The following CNOT6L variants were observed in gnomAD, a reference collection of about 807,000 sequenced individuals.
CNOT6L encodes the protein CCR4-NOT transcription complex subunit 6-like.
A neutral mutation model predicts 64.0 loss-of-function variants in CNOT6L; 7 were observed. The ratio of observed to expected loss-of-function variants is 0.11; its 90% CI spans 0.06 to 0.21. The LOEUF (loss-of-function observed/expected upper bound fraction) is 0.21, where lower values mean the gene tolerates loss of function less well. CNOT6L is among the 10% of genes least tolerant of loss of function. CNOT6L has a pLI of 1.00. For synonymous variants in CNOT6L, 193 were observed against 243.4 expected, an observed-to-expected ratio of 0.79 and a Z score of 1.93; for missense variants, 245 against 669.0, an observed-to-expected ratio of 0.37 and a Z score of 6.99.
At chr4:77,779,255 A>T (rs777028331) in intron 1 of CNOT6L, among the ~76,000 whole-genome samples, 9 of 151,936 alleles carry the variant, frequency 5.9e-5, no homozygotes, top group Non-Finnish European at 1.2e-4. Context: ...ATGATCAATG[A>T]TCATATGCTT....
chr4:77,785,330 A>AG (rs1729311047), intron 1 of CNOT6L, among the ~76,000 whole-genome samples: 1 of 152,250 alleles, frequency 6.6e-6, no homozygotes, highest in African/African-American at 2.4e-5. Flanking sequence ...TCAGAAGAAA[A>AG]CATCAGAGAA....
In CNOT6L at chr4:77,718,232, G is replaced by C. The variant is rs1720948083; in HGVS notation, c.*2199C>G. 1 of 152,448 alleles carries C rather than the reference G, an allele frequency of 6.6e-6. No homozygotes were observed. The highest frequency in any genetic ancestry group is 1.9e-4 in the East Asian group (1 of 5,176). The allele number at this position is 152,448 out of a possible 1,614,324, so 9.4% of individuals were successfully genotyped here. Reference sequence around the variant, plus strand: ...TAATTAACATGCGTATATGAAAGGAGGAAAATGTTTTGTTAGTGCATATAC... The same window carrying C: ...TAATTAACATGCGTATATGAAAGGACGAAAATGTTTTGTTAGTGCATATAC... On this transcript the variant is annotated 3_prime_UTR_variant, in exon 12 of 12. Coordinates refer to ENST00000504123, the MANE Select transcript of CNOT6L (RefSeq NM_144571.3).
chr4:77,738,581 C>G (rs1347365191), intron 8 of CNOT6L, among the ~76,000 whole-genome samples: 1 of 151,880 alleles, frequency 6.6e-6, no homozygotes, highest in African/African-American at 2.4e-5. Flanking sequence ...TGGAGAAACC[C>G]TGTCTCTACT....
intron 1 of CNOT6L, among the ~76,000 whole-genome samples, chr4:77,788,369 AAC>A (rs1729695273): frequency 6.6e-6 from 1 of 152,242 alleles, no homozygotes; most frequent in Admixed American, 6.5e-5. Context: ...TGATAAGGTT[AAC>A]AGTTTTAAAC....
intron 1 of CNOT6L, chr4:77,818,943 C>T (rs1733920135): frequency 1.6e-6 from 1 of 638,488 alleles, no homozygotes; most frequent in South Asian, 1.5e-5. Context: ...ACTCAGCCCT[C>T]CCCGGCCGGC....
At chr4:77,723,539 C>A (rs749066576) in intron 11 of CNOT6L, among the ~76,000 whole-genome samples, 7 of 152,152 alleles carry the variant, frequency 4.6e-5, no homozygotes, top group Admixed American at 3.3e-4. Context: ...CTGAAAAGTT[C>A]ATTTTCTGTT....
chr4:77,752,680 T>C (rs1276846948), intron 5 of CNOT6L, among the ~76,000 whole-genome samples: 1 of 151,636 alleles, frequency 6.6e-6, no homozygotes, highest in African/African-American at 2.4e-5. Context: ...ATAATGAAAA[T>C]AATACAAACT....
At chr4:77,739,370 A>T (rs1015587528) in intron 8 of CNOT6L, among the ~76,000 whole-genome samples, 4 of 152,226 alleles carry the variant, frequency 2.6e-5, no homozygotes, top group African/African-American at 4.8e-5. Context: ...TACAAAAATG[A>T]TCTTACAAGA....
intron 11 of CNOT6L, among the ~76,000 whole-genome samples, chr4:77,723,412 T>A (rs780263406): frequency 3.9e-5 from 6 of 152,188 alleles, no homozygotes; most frequent in African/African-American, 9.7e-5. Flanking sequence ...ACTAATACAA[T>A]TGGATCTGCA....
At chr4:77,738,437 G>T (rs1481875881) in intron 8 of CNOT6L, among the ~76,000 whole-genome samples, 1 of 152,026 alleles carries the variant, frequency 6.6e-6, no homozygotes, top group Non-Finnish European at 1.5e-5. Context: ...ATGGCAAAAA[G>T]AAATTTAAAT....
At position 77,794,204 on chromosome 4, in the gene CNOT6L, TTATAGTCTTA is replaced by T. The variant is rs1730521256; in HGVS notation, c.6-17822_6-17813del. On this transcript the variant is annotated intron_variant, in intron 1 of 11. Transcript: ENST00000504123. ...TTTTAGAAATAGAAGGAAAGAGAGA[TTATAGTCTTA>T]TAGTCTGGTAGTTCTCAACCTTGGT... Among the ~76,000 whole-genome samples the T allele has an allele frequency of 2.2e-5, 3 of 133,774 alleles. No individual in the cohort carries two copies. The South Asian group carries it at 7.5e-4, about 33-fold the overall frequency. 87.8% of individuals were successfully genotyped at this position (133,774 alleles called of 152,430 possible). A position where few individuals can be genotyped will look rare whatever the true frequency, so the allele number is the denominator to read the frequency against.
At chr4:77,775,311 G>A (rs530496376) in intron 2 of CNOT6L, among the ~76,000 whole-genome samples, 2 of 152,206 alleles carry the variant, frequency 1.3e-5, no homozygotes, top group East Asian at 3.9e-4. Flanking sequence ...ATTACAATGT[G>A]GGGTTTAACT....
intron 5 of CNOT6L, among the ~76,000 whole-genome samples, chr4:77,756,203 G>A (rs1725564778): frequency 6.6e-6 from 1 of 152,142 alleles, no homozygotes; most frequent in African/African-American, 2.4e-5. Flanking sequence ...TGTTGGCCAG[G>A]CTGGTCTCAG....
intron 1 of CNOT6L, 36 bp downstream of exon 1, chr4:77,819,268 C>T (rs1734018754): frequency 6.2e-7 from 1 of 1,613,656 alleles, no homozygotes; most frequent in South Asian, 1.1e-5. Context: ...CTTCCCAACA[C>T]TCTCGGTCCT....
intron 1 of CNOT6L, among the ~76,000 whole-genome samples, chr4:77,797,506 C>T (rs1292621875): frequency 2.0e-5 from 3 of 152,166 alleles, no homozygotes; most frequent in Non-Finnish European, 4.4e-5. Flanking sequence ...GTATCTATCT[C>T]AGTTATCAGA....
intron 1 of CNOT6L, among the ~76,000 whole-genome samples, chr4:77,807,276 C>CAAAAAAAAAAAAAAAAAAAAAA (rs58452605): frequency 3.8e-4 from 41 of 108,190 alleles, no homozygotes; most frequent in African/African-American, 1.8e-3. Flanking sequence ...GACTCCATCT[C>CAAAAAAAAAAAAAAAAAAAAAA]AAAAAAAAAA....
intron 1 of CNOT6L, among the ~76,000 whole-genome samples, chr4:77,816,292 A>G (rs1733569548): frequency 6.6e-6 from 1 of 152,182 alleles, no homozygotes; most frequent in Admixed American, 6.5e-5. Context: ...AGTCTTTTAA[A>G]ATAATTCATA....
chr4:77,801,091 G>A (rs759359360), intron 1 of CNOT6L, among the ~76,000 whole-genome samples: 1 of 152,158 alleles, frequency 6.6e-6, no homozygotes, highest in Non-Finnish European at 1.5e-5. Flanking sequence ...TAGTTGATTA[G>A]AAGGATAAAG....
chr4:77,734,560 TC>T (rs1722757765), intron 8 of CNOT6L, among the ~76,000 whole-genome samples: 1 of 152,170 alleles, frequency 6.6e-6, no homozygotes, highest in Admixed American at 6.5e-5. Context: ...CATATATTTT[TC>T]TGTGGTCTCA....
Sources: gnomAD v4.1 joint callset for allele counts (sites outside exome capture counted in the v4.1 genomes callset) on GRCh38, gnomAD v4.1.1 for gene constraint, MANE v1.5 for transcripts, NCBI Gene and HGNC (gene_info 2026-07-23, HGNC 2026-07-21) for gene names.